Variants in STX8 observed in about 807,000 individuals in gnomAD.
The protein encoded by STX8 is syntaxin-8.
Under a neutral mutation model 37.5 loss-of-function variants are expected in STX8, and 23 were observed. The observed-to-expected ratio is 0.61, with a 90% CI of 0.44 to 0.87. The LOEUF (loss-of-function observed/expected upper bound fraction) is 0.87. STX8 is among the 40% of genes least tolerant of loss of function. The pLI is 0.00. For missense variants in STX8, 313 were observed against 284.7 expected (o/e 1.10, Z -0.71); for synonymous variants, 115 against 99.1 (o/e 1.16, Z -0.95).
intron 4 of STX8, among the ~76,000 whole-genome samples, chr17:9,522,736 A>C (rs1218499559): frequency 1.3e-5 from 2 of 151,632 alleles, no homozygotes; most frequent in Non-Finnish European, 2.9e-5. Flanking sequence ...GATATCATAC[A>C]AGCAGTGAGT....
chr17:9,281,921 G>A (rs943889802), intron 7 of STX8, among the ~76,000 whole-genome samples: 2 of 152,124 alleles, frequency 1.3e-5, no homozygotes, highest in African/African-American at 4.8e-5. Context: ...GCTACAGAGT[G>A]AGACTCCATC....
At chr17:9,525,575 T>TGACCTCATGATCTACCC (rs1905534315) in intron 4 of STX8, among the ~76,000 whole-genome samples, 1 of 152,014 alleles carries the variant, frequency 6.6e-6, no homozygotes, top group Admixed American at 6.6e-5. Context: ...CTCGATCTCC[T>TGACCTCATGATCTACCC]GACCTCATGA....
At chr17:9,327,157 CAA>C (rs1248061676) in intron 7 of STX8, among the ~76,000 whole-genome samples, 10 of 80,958 alleles carry the variant, frequency 1.2e-4, no homozygotes, top group Non-Finnish European at 9.6e-5. Context: ...AACTCTGTCT[CAA>C]AAAAAAAAAA....
chr17:9,387,138 C>T (rs545590798), intron 6 of STX8, among the ~76,000 whole-genome samples: 12 of 152,194 alleles, frequency 7.9e-5, no homozygotes, highest in Non-Finnish European at 1.5e-4. Context: ...AGCAAACGCT[C>T]AAAGGAAGTG....
At chr17:9,380,188 T>C (rs1280196827) in intron 6 of STX8, among the ~76,000 whole-genome samples, 2 of 151,826 alleles carry the variant, frequency 1.3e-5, no homozygotes, top group African/African-American at 2.4e-5. Flanking sequence ...TATTTCTAGA[T>C]GGTGGGATCC....
At chr17:9,488,817 A>AGTGTGT (rs773052268) in intron 6 of STX8, among the ~76,000 whole-genome samples, 30 of 88,136 alleles carry the variant, frequency 3.4e-4, no homozygotes, top group African/African-American at 1.1e-3. Context: ...AGAGAGAGAG[A>AGTGTGT]GAGAGTGTGT....
chr17:9,509,838 TAA>T (rs35517248), intron 4 of STX8, among the ~76,000 whole-genome samples: 269 of 144,540 alleles, frequency 1.9e-3, no homozygotes, highest in East Asian at 8.1e-3. Context: ...ATAACTAGAT[TAA>T]AAAAAAAAAA....
intron 7 of STX8, among the ~76,000 whole-genome samples, chr17:9,269,396 G>C (rs1907367266): frequency 6.6e-6 from 1 of 152,142 alleles, no homozygotes; most frequent in Non-Finnish European, 1.5e-5. Context: ...CAGATTGATG[G>C]CCACAGCTGA....
intron 6 of STX8, among the ~76,000 whole-genome samples, chr17:9,456,032 G>A (rs545300999): frequency 2.6e-5 from 4 of 152,038 alleles, no homozygotes; most frequent in Admixed American, 2.0e-4. Flanking sequence ...CTAACCTGAC[G>A]ATCCAACTGT....
intron 4 of STX8, among the ~76,000 whole-genome samples, chr17:9,535,424 C>CCTTTTTTTTTTTTTTTTTTTTTTTTT (rs1905992804): frequency 1.9e-5 from 1 of 51,550 alleles, no homozygotes; most frequent in African/African-American, 7.4e-5. Context: ...AGCCATCCTA[C>CCTTTTTTTTTTTTTTTTTTTTTTTTT]TTTTTTTTTT....
chr17:9,264,560 C>T (rs62070015), intron 7 of STX8, among the ~76,000 whole-genome samples: 2,973 of 152,260 alleles, frequency 0.02, 39 homozygotes, highest in South Asian at 0.035. Flanking sequence ...CCTCCTCGAC[C>T]TCCCAAAGTT....
At chr17:9,312,351 G>A (rs1176864710) in intron 7 of STX8, among the ~76,000 whole-genome samples, 7 of 151,900 alleles carry the variant, frequency 4.6e-5, no homozygotes, top group South Asian at 2.1e-4. Flanking sequence ...ACAGGCATGC[G>A]CCACCACGCC....
intron 7 of STX8, among the ~76,000 whole-genome samples, chr17:9,274,751 CTT>C: frequency 1.3e-5 from 1 of 78,640 alleles, no homozygotes; most frequent in Middle Eastern, 0.011. Flanking sequence ...TTTCTTTTTT[CTT>C]TTTTTTTTTT....
intron 7 of STX8, among the ~76,000 whole-genome samples, chr17:9,259,010 C>T (rs908211661): frequency 6.6e-6 from 1 of 152,048 alleles, no homozygotes; most frequent in African/African-American, 2.4e-5. Context: ...ACCTTTGGTT[C>T]TTTTTTTATT....
At chr17:9,356,335 A>C (rs1164274565) in intron 7 of STX8, among the ~76,000 whole-genome samples, 1 of 152,204 alleles carries the variant, frequency 6.6e-6, no homozygotes, top group South Asian at 2.1e-4. Context: ...AACCTTTTTC[A>C]GTTCAACAGG....
chr17:9,266,830 A>G (rs1907248578), intron 7 of STX8, among the ~76,000 whole-genome samples: 1 of 152,170 alleles, frequency 6.6e-6, no homozygotes, highest in Non-Finnish European at 1.5e-5. Context: ...CTGATGAGAG[A>G]GCGGCCAGAC....
At chr17:9,573,561 A>G (rs757700471) in intron 1 of STX8, among the ~76,000 whole-genome samples, 7 of 152,118 alleles carry the variant, frequency 4.6e-5, no homozygotes, top group Non-Finnish European at 1.0e-4. Context: ...CTGTTCCCCA[A>G]CCACCTTGGG....
chr17:9,487,279 A>G (rs1293552008), intron 6 of STX8, among the ~76,000 whole-genome samples: 1 of 152,192 alleles, frequency 6.6e-6, no homozygotes, highest in East Asian at 1.9e-4. Flanking sequence ...TGTTTTCCTC[A>G]TTTAATGAAA....
intron 7 of STX8, among the ~76,000 whole-genome samples, chr17:9,293,621 A>G (rs1402971983): frequency 6.6e-6 from 1 of 152,194 alleles, no homozygotes; most frequent in African/African-American, 2.4e-5. Flanking sequence ...TGTTACCATA[A>G]AAATAGAATA....
Sources: allele counts gnomAD v4.1 joint callset (sites outside exome capture counted in the v4.1 genomes callset), GRCh38; gene constraint gnomAD v4.1.1; transcripts MANE v1.5; gene names NCBI Gene and HGNC (gene_info 2026-07-23, HGNC 2026-07-21).